The following MICU1 variants were observed in gnomAD, a reference collection of about 807,000 sequenced individuals.
The protein encoded by MICU1 is mitochondrial calcium uptake 1.
In MICU1, 45 loss-of-function variants were observed where a neutral mutation model predicts 56.8. The ratio of observed to expected loss-of-function variants is 0.79; its 90% CI spans 0.62 to 1.02. The LOEUF (loss-of-function observed/expected upper bound fraction) is 1.02. MICU1 is among the 50% of genes least tolerant of loss of function. The pLI is 0.00. For synonymous variants in MICU1, 186 were observed against 195.1 expected, an observed-to-expected ratio of 0.95 and a Z score of 0.39; for missense variants, 504 against 587.1, an observed-to-expected ratio of 0.86 and a Z score of 1.46.
intron 10 of MICU1, 35 bp from the exon 11 acceptor site, chr10:72,375,907 G>A: frequency 6.3e-7 from 1 of 1,584,060 alleles, no homozygotes; most frequent in Non-Finnish European, 8.6e-7. Flanking sequence ...GCACAGCAGA[G>A]GGATTTTCAT....
chr10:72,601,675 A>G (rs1239908484), intron 1 of MICU1, among the ~76,000 whole-genome samples: 1 of 152,100 alleles, frequency 6.6e-6, no homozygotes, highest in African/African-American at 2.4e-5. Flanking sequence ...TCATAAGGAA[A>G]TGAGGAGCTG....
chr10:72,528,246 G>T (rs1868020913), intron 5 of MICU1, among the ~76,000 whole-genome samples: 1 of 152,182 alleles, frequency 6.6e-6, no homozygotes, highest in African/African-American at 2.4e-5. Flanking sequence ...ATATCTGTGA[G>T]GAACTTCTGG....
intron 1 of MICU1, among the ~76,000 whole-genome samples, chr10:72,620,133 A>G (rs1164451233): frequency 2.6e-5 from 4 of 152,202 alleles, no homozygotes; most frequent in Non-Finnish European, 5.9e-5. Flanking sequence ...TGCTTATAAC[A>G]GACACCAAAT....
At chr10:72,463,910 C>CT in intron 8 of MICU1, among the ~76,000 whole-genome samples, 1 of 152,088 alleles carries the variant, frequency 6.6e-6, no homozygotes, top group Admixed American at 6.5e-5. Flanking sequence ...TTTTTAAAAT[C>CT]TTTTATACCA....
At position 72,521,641 on chromosome 10, in the gene MICU1, T is replaced by G. The variant is rs554413165; in HGVS notation, c.537+12105A>C. ...AGCCAAAGGTGACAATACTATTAAG[T>G]GGCAGGAGACTCCAGAGCCCATGTC... is the stretch of plus-strand genomic sequence containing the variant. On this transcript the variant is annotated intron_variant, in intron 5 of 11. Coordinates refer to ENST00000361114, the MANE Select transcript of MICU1 (RefSeq NM_001195518.2). Among the ~76,000 whole-genome samples, 247 of 152,220 alleles carry G rather than the reference T, an allele frequency of 1.6e-3. 1 individual carries two copies. The highest frequency in any genetic ancestry group is 5.7e-3 in the African/African-American group (238 of 41,574).
At chr10:72,523,544 C>T (rs925569543) in intron 5 of MICU1, among the ~76,000 whole-genome samples, 2 of 151,960 alleles carry the variant, frequency 1.3e-5, no homozygotes, top group African/African-American at 4.8e-5. Flanking sequence ...ATTTTTCAAA[C>T]AAAGGAAGTA....
intron 6 of MICU1, among the ~76,000 whole-genome samples, chr10:72,501,425 G>T (rs1867062921): frequency 6.7e-6 from 1 of 149,624 alleles, no homozygotes; most frequent in East Asian, 1.9e-4. Context: ...TCTTAAGTTT[G>T]CTAAAGGTTT....
chr10:72,612,302 T>C (rs568552439), intron 1 of MICU1, among the ~76,000 whole-genome samples: 2 of 151,616 alleles, frequency 1.3e-5, no homozygotes, highest in East Asian at 3.9e-4. Context: ...AAAATGACAC[T>C]TCGTGAATCT....
intron 5 of MICU1, among the ~76,000 whole-genome samples, chr10:72,522,166 G>A (rs1867842722): frequency 6.6e-6 from 1 of 152,074 alleles, no homozygotes; most frequent in Non-Finnish European, 1.5e-5. Flanking sequence ...AACTTGTTTA[G>A]TATACTCTTA....
intron 8 of MICU1, among the ~76,000 whole-genome samples, chr10:72,458,990 A>G (rs1214075727): frequency 2.6e-5 from 4 of 151,670 alleles, no homozygotes; most frequent in Non-Finnish European, 5.9e-5. Flanking sequence ...TGGTCTTCCA[A>G]AGTGCTGGGA....
chr10:72,430,484 C>T (rs903756701), intron 8 of MICU1, among the ~76,000 whole-genome samples: 27 of 152,120 alleles, frequency 1.8e-4, no homozygotes, highest in South Asian at 1.0e-3. Flanking sequence ...ACACCACGAG[C>T]CTCCCACTTA....
intron 8 of MICU1, chr10:72,473,436 T>A (rs898478299): frequency 6.6e-6 from 1 of 152,146 alleles, no homozygotes; most frequent in Non-Finnish European, 1.5e-5. Context: ...TTCACAATAA[T>A]TTGCATTCTT....
At chr10:72,590,377 C>T (rs1264043810) in intron 1 of MICU1, among the ~76,000 whole-genome samples, 1 of 152,146 alleles carries the variant, frequency 6.6e-6, no homozygotes, top group Admixed American at 6.5e-5. Context: ...AACATTTATA[C>T]ACTTAATGAC....
At chr10:72,576,199 A>C (rs150938723) in intron 1 of MICU1, among the ~76,000 whole-genome samples, 29 of 141,600 alleles carry the variant, frequency 2.0e-4, no homozygotes, top group African/African-American at 6.7e-4. Flanking sequence ...GGGCAACACA[A>C]GTCAAACTCC....
chr10:72,625,137 A>G (rs1281858185), intron 1 of MICU1, among the ~76,000 whole-genome samples: 1 of 152,214 alleles, frequency 6.6e-6, no homozygotes, highest in Non-Finnish European at 1.5e-5. Flanking sequence ...CAAAGAAGCC[A>G]CCCAAACAAG....
At chr10:72,452,790 G>A (rs780100092) in intron 8 of MICU1, among the ~76,000 whole-genome samples, 1 of 151,538 alleles carries the variant, frequency 6.6e-6, no homozygotes, top group Non-Finnish European at 1.5e-5. Flanking sequence ...TCATAAATAG[G>A]GTTTGACATA....
intron 5 of MICU1, among the ~76,000 whole-genome samples, chr10:72,533,534 C>T (rs539081321): frequency 6.6e-6 from 1 of 152,216 alleles, no homozygotes; most frequent in African/African-American, 2.4e-5. Flanking sequence ...AAACAGGAGG[C>T]AATACATGAG....
intron 1 of MICU1, among the ~76,000 whole-genome samples, chr10:72,579,401 T>C (rs1314285293): frequency 6.6e-6 from 1 of 152,016 alleles, no homozygotes; most frequent in East Asian, 1.9e-4. Flanking sequence ...AGAGCACTAA[T>C]CTCCTTCAAT....
intron 5 of MICU1, 29 bp from the exon 6 acceptor site, chr10:72,508,298 A>G: frequency 1.0e-6 from 1 of 960,474 alleles, no homozygotes; most frequent in Non-Finnish European, 1.5e-6. Context: ...CCACCAAAAG[A>G]CAAAAATATA....
Sources: allele counts gnomAD v4.1 joint callset (sites outside exome capture counted in the v4.1 genomes callset), GRCh38; gene constraint gnomAD v4.1.1; transcripts MANE v1.5; gene names NCBI Gene and HGNC (gene_info 2026-07-23, HGNC 2026-07-21).